Variants in PDE1C observed in about 807,000 individuals in gnomAD.
The protein encoded by PDE1C is phosphodiesterase 1C.
In PDE1C, 62 loss-of-function variants were observed where a neutral mutation model predicts 93.1. The ratio of observed to expected loss-of-function variants is 0.67; its 90% CI spans 0.54 to 0.82. PDE1C has a LOEUF of 0.82. Among genes scored for constraint, PDE1C ranks in the 40% least tolerant of loss-of-function variants. The probability of loss-of-function intolerance (pLI) is 0.00; values close to 1 mark genes in which losing one functional copy is unlikely to be tolerated. For missense variants in PDE1C, 742 were observed against 884.6 expected (o/e 0.84, Z 2.04); for synonymous variants, 325 against 310.1 (o/e 1.05, Z -0.50).
chr7:31,759,892 TTC>T lies in PDE1C; in HGVS notation c.1961-6341_1961-6340del, dbSNP rs563115113. On this transcript the variant is annotated intron_variant, in intron 17 of 17. Coordinates refer to ENST00000396191, the MANE Select transcript of PDE1C (RefSeq NM_001191057.4). Reference sequence around the variant, plus strand: ...CTCTCTCTCTGTCTCTCTCTCTCCATTCTCTCTTTCTCTCTCTCTCTCTCATC... The same window carrying T: ...CTCTCTCTCTGTCTCTCTCTCTCCATTCTCTTTCTCTCTCTCTCTCTCATC... 1.6e-4 allele frequency among the ~76,000 whole-genome samples: 24 copies of T among 151,822 alleles called. 1 individual carries two copies. In the East Asian group the frequency reaches 4.3e-3, roughly 27 times the overall value.
chr7:31,834,479 A>T (rs1311529304), intron 11 of PDE1C, among the ~76,000 whole-genome samples: 1 of 152,186 alleles, frequency 6.6e-6, no homozygotes, highest in Admixed American at 6.5e-5. Flanking sequence ...GCTGCCCAAG[A>T]CCATGAGAAC....
At chr7:32,224,210 T>G (rs1327806983) in intron 1 of PDE1C, among the ~76,000 whole-genome samples, 1 of 152,178 alleles carries the variant, frequency 6.6e-6, no homozygotes, top group Non-Finnish European at 1.5e-5. Context: ...CCATCTCTAC[T>G]AAAATTACAA....
chr7:31,914,545 A>G (rs1801642679), intron 2 of PDE1C, among the ~76,000 whole-genome samples: 1 of 152,190 alleles, frequency 6.6e-6, no homozygotes, highest in Non-Finnish European at 1.5e-5. Flanking sequence ...GCTATAGTCA[A>G]CTCACTCTAA....
the PDE1C span, among the ~76,000 whole-genome samples, chr7:31,670,243 G>A: frequency 1.6e-3 from 240 of 152,272 alleles, 2 homozygotes; most frequent in South Asian, 0.012. Flanking sequence ...GTGAAAATCC[G>A]AAACCTGAAG....
chr7:31,854,738 G>C (rs1007944787), intron 7 of PDE1C, among the ~76,000 whole-genome samples: 4 of 152,092 alleles, frequency 2.6e-5, no homozygotes, highest in Non-Finnish European at 4.4e-5. Context: ...AGTTTTCCAT[G>C]CTACCTTAAC....
chr7:32,347,841 G>A (rs1351459751), intron 1 of PDE1C, among the ~76,000 whole-genome samples: 1 of 152,214 alleles, frequency 6.6e-6, no homozygotes, highest in Admixed American at 6.5e-5. Flanking sequence ...TCCAGCCAAT[G>A]CTTTGACTAT....
At chr7:31,767,868 T>C (rs1409247165) in intron 17 of PDE1C, among the ~76,000 whole-genome samples, 1 of 152,184 alleles carries the variant, frequency 6.6e-6, no homozygotes, top group East Asian at 1.9e-4. Flanking sequence ...GTCTCTTTCA[T>C]AAGGTCGTTA....
the PDE1C span, among the ~76,000 whole-genome samples, chr7:31,713,449 T>C: frequency 1.3e-5 from 2 of 152,306 alleles, 1 homozygote; most frequent in South Asian, 4.1e-4. Flanking sequence ...TGGCGTCGAG[T>C]GTCTGCAGCT....
intron 2 of PDE1C, among the ~76,000 whole-genome samples, chr7:31,905,765 A>C (rs1463802253): frequency 1.3e-5 from 2 of 152,114 alleles, no homozygotes; most frequent in Admixed American, 6.6e-5. Context: ...TCTTATCTTG[A>C]ATTGTAGTTC....
intron 1 of PDE1C, among the ~76,000 whole-genome samples, chr7:32,329,005 G>A (rs1456912320): frequency 6.6e-6 from 1 of 152,172 alleles, no homozygotes; most frequent in Non-Finnish European, 1.5e-5. Flanking sequence ...GCCAAGGCAG[G>A]AGCATCACTT....
At chr7:32,388,638 G>A (rs1055249357) in intron 1 of PDE1C, among the ~76,000 whole-genome samples, 7 of 133,196 alleles carry the variant, frequency 5.3e-5, no homozygotes, top group South Asian at 4.6e-4. Flanking sequence ...TGATTGCACC[G>A]CTGCAACTCC....
chr7:32,063,912 G>A (rs1367743217), intron 1 of PDE1C, among the ~76,000 whole-genome samples: 2 of 152,094 alleles, frequency 1.3e-5, no homozygotes, highest in African/African-American at 4.8e-5. Flanking sequence ...TAAGTTTCCT[G>A]ATGGTAAGGA....
At chr7:31,849,967 A>C (rs1793124498) in intron 8 of PDE1C, among the ~76,000 whole-genome samples, 1 of 152,158 alleles carries the variant, frequency 6.6e-6, no homozygotes, top group Non-Finnish European at 1.5e-5. Context: ...AAAAAGTACC[A>C]AAATCAACTA....
chr7:32,412,455 C>T (rs1447977902), intron 1 of PDE1C, among the ~76,000 whole-genome samples: 1 of 85,526 alleles, frequency 1.2e-5, no homozygotes, highest in Non-Finnish European at 2.8e-5. Flanking sequence ...GACCCTGTCT[C>T]AAAAAAAAAA....
intron 3 of PDE1C, among the ~76,000 whole-genome samples, chr7:32,111,530 G>T (rs1798639187): frequency 6.6e-6 from 1 of 152,148 alleles, no homozygotes; most frequent in African/African-American, 2.4e-5. Flanking sequence ...TGGGATTGTG[G>T]AACCATGGTT....
chr7:31,792,860 C>T lies in PDE1C; in HGVS notation c.1891+16171G>A, dbSNP rs116351281. On this transcript the variant is annotated intron_variant, in intron 16 of 17. Transcript: ENST00000396191. Reference sequence around the variant, plus strand: ...GAAGGCCACAAAAAGTAGTTAAATCCTTCCACTTTTTAAAGAGTGACTGAT... The same window carrying T: ...GAAGGCCACAAAAAGTAGTTAAATCTTTCCACTTTTTAAAGAGTGACTGAT... 7.5e-3 allele frequency among the ~76,000 whole-genome samples: 1,139 copies of T among 152,156 alleles called. 13 individuals carry two copies. The highest frequency in any genetic ancestry group is 0.026 in the African/African-American group (1,080 of 41,506).
chr7:31,636,080 A>G, the PDE1C span, among the ~76,000 whole-genome samples: 2 of 152,192 alleles, frequency 1.3e-5, no homozygotes, highest in Non-Finnish European at 2.9e-5. Flanking sequence ...GGGAAATGCC[A>G]GATGCTTATA....
At chr7:31,698,998 G>C in the PDE1C span, among the ~76,000 whole-genome samples, 4 of 152,168 alleles carry the variant, frequency 2.6e-5, no homozygotes, top group Admixed American at 6.5e-5. Context: ...CAGCTCAAGT[G>C]CTGGGCATAC....
chr7:32,319,697 C>T (rs1056998858), intron 1 of PDE1C, among the ~76,000 whole-genome samples: 1 of 152,232 alleles, frequency 6.6e-6, no homozygotes, highest in Non-Finnish European at 1.5e-5. Context: ...AGCTCAGAAG[C>T]AGCAGGCTTG....
Sources: allele counts gnomAD v4.1 joint callset (sites outside exome capture counted in the v4.1 genomes callset), GRCh38; gene constraint gnomAD v4.1.1; transcripts MANE v1.5; gene names NCBI Gene and HGNC (gene_info 2026-07-23, HGNC 2026-07-21).